JMJD1C: variants seen among roughly 807,000 people sequenced by gnomAD.
JMJD1C encodes jumonji domain-containing protein 1C.
A neutral mutation model predicts 245.3 loss-of-function variants in JMJD1C; 31 were observed. The ratio of observed to expected loss-of-function variants is 0.13; its 90% CI spans 0.09 to 0.17. JMJD1C has a LOEUF of 0.17. Among genes scored for constraint, JMJD1C ranks in the 10% least tolerant of loss-of-function variants. The pLI is 1.00. For missense variants in JMJD1C, 2,691 were observed against 3,000.2 expected (o/e 0.90, Z 2.41); for synonymous variants, 1,057 against 1,017.4 (o/e 1.04, Z -0.74).
chr10:63,286,134 C>T (rs751751665), intron 2 of JMJD1C, among the ~76,000 whole-genome samples: 53 of 152,320 alleles, frequency 3.5e-4, no homozygotes, highest in Non-Finnish European at 6.2e-4. Context: ...TGGCTTCTAG[C>T]AACTGTTCTT....
At chr10:63,202,455 C>T in intron 10 of JMJD1C, 1 of 985,388 alleles carries the variant, frequency 1.0e-6, no homozygotes, top group Non-Finnish European at 1.2e-6. Flanking sequence ...ATGTGTGGAT[C>T]AGAGGTACAG....
chr10:63,236,307 G>C (rs7917142), intron 3 of JMJD1C, among the ~76,000 whole-genome samples: 1 of 152,052 alleles, frequency 6.6e-6, no homozygotes, highest in Non-Finnish European at 1.5e-5. Flanking sequence ...ACTACAATTT[G>C]CTAAGTGTCA....
intron 4 of JMJD1C, among the ~76,000 whole-genome samples, chr10:63,218,959 T>C (rs1469163418): frequency 6.6e-6 from 1 of 152,176 alleles, no homozygotes; most frequent in African/African-American, 2.4e-5. Context: ...AGCATTGTTT[T>C]GTTCAAAAAA....
intron 2 of JMJD1C, among the ~76,000 whole-genome samples, chr10:63,306,253 C>T (rs1325096459): frequency 2.0e-5 from 3 of 152,068 alleles, no homozygotes; most frequent in Non-Finnish European, 4.4e-5. Context: ...CCACACCGGG[C>T]TAATTTTTGT....
chr10:63,479,387 C>G (rs569614653), intron 1 of JMJD1C, among the ~76,000 whole-genome samples: 12 of 151,862 alleles, frequency 7.9e-5, no homozygotes, highest in African/African-American at 2.7e-4. Context: ...TTAAAGTAAC[C>G]CTACAATACC....
chr10:63,265,983 A>G (rs947471730), intron 2 of JMJD1C, among the ~76,000 whole-genome samples: 6 of 152,066 alleles, frequency 3.9e-5, no homozygotes, highest in African/African-American at 1.4e-4. Flanking sequence ...GCTTTTAAGG[A>G]GTTAATTTCT....
In JMJD1C at chr10:63,385,445, C is replaced by CT. The variant is rs1359056975; in HGVS notation, c.169-4964dup. Among the ~76,000 whole-genome samples the CT allele has an allele frequency of 2.2e-3, 164 of 73,300 alleles. 1 individual carries two copies. Among genetic ancestry groups the CT allele is most frequent in the African/African-American group, 7.9e-3 (145 of 18,370 alleles). The allele number at this position is 73,300 out of a possible 152,430, so 48.1% of individuals were successfully genotyped here. On this transcript the variant is annotated intron_variant, in intron 1 of 25. Coordinates refer to ENST00000399262, the MANE Select transcript of JMJD1C (RefSeq NM_032776.3). ...TTTTTTTTTTTTTTTTTTTTTTTTG[C>CT]TTTTTTTTAAGAGATAGGGTCTTGC...
chr10:63,347,147 C>T (rs1304810702), intron 2 of JMJD1C, among the ~76,000 whole-genome samples: 2 of 148,214 alleles, frequency 1.3e-5, no homozygotes, highest in African/African-American at 5.0e-5. Flanking sequence ...CAGCTCACTG[C>T]AACCTCCACC....
intron 1 of JMJD1C, among the ~76,000 whole-genome samples, chr10:63,426,587 C>A (rs9415706): frequency 6.6e-6 from 1 of 151,946 alleles, no homozygotes; most frequent in African/African-American, 2.4e-5. Context: ...AGGAGAATCA[C>A]CTGAACCCAG....
chr10:63,306,070 T>G (rs1938181670), intron 2 of JMJD1C, among the ~76,000 whole-genome samples: 1 of 151,852 alleles, frequency 6.6e-6, no homozygotes, highest in African/African-American at 2.4e-5. Context: ...TAGTCATTAG[T>G]TTATCACGTT....
chr10:63,251,655 T>G (rs1853094539), intron 3 of JMJD1C, among the ~76,000 whole-genome samples: 1 of 152,198 alleles, frequency 6.6e-6, no homozygotes, highest in South Asian at 2.1e-4. Flanking sequence ...GAAAGACAGA[T>G]ACTATACTTT....
At chr10:63,172,232 C>G (rs1203402967) in intron 24 of JMJD1C, among the ~76,000 whole-genome samples, 2 of 152,098 alleles carry the variant, frequency 1.3e-5, no homozygotes, top group African/African-American at 4.8e-5. Flanking sequence ...AATCTTGTTT[C>G]TATAATCTAT....
intron 25 of JMJD1C, 55 bp downstream of exon 25, chr10:63,168,379 CA>C (rs1273676313): frequency 2.0e-6 from 3 of 1,532,080 alleles, no homozygotes; most frequent in Non-Finnish European, 2.6e-6. Flanking sequence ...ATACATGTAT[CA>C]TATTTCTGAA....
intron 2 of JMJD1C, among the ~76,000 whole-genome samples, chr10:63,335,263 G>C (rs963628433): frequency 6.6e-6 from 1 of 152,118 alleles, no homozygotes; most frequent in African/African-American, 2.4e-5. Context: ...CCTGAACAAT[G>C]AAAGCTGTAA....
At chr10:63,306,999 G>A (rs561660733) in intron 2 of JMJD1C, among the ~76,000 whole-genome samples, 3 of 152,102 alleles carry the variant, frequency 2.0e-5, no homozygotes, top group South Asian at 2.1e-4. Context: ...GCTTGTACTC[G>A]AACTGTACTG....
intron 2 of JMJD1C, among the ~76,000 whole-genome samples, chr10:63,379,568 C>A (rs1168338340): frequency 6.6e-6 from 1 of 152,138 alleles, no homozygotes; most frequent in Non-Finnish European, 1.5e-5. Flanking sequence ...AAACATCTAT[C>A]ACCCACAATG....
At chr10:63,479,567 C>T (rs555782548) in intron 1 of JMJD1C, among the ~76,000 whole-genome samples, 1 of 152,092 alleles carries the variant, frequency 6.6e-6, no homozygotes, top group Non-Finnish European at 1.5e-5. Context: ...CTCTTTAAAT[C>T]TCATTTAATC....
chr10:63,436,104 T>C (rs1465587924), intron 1 of JMJD1C, among the ~76,000 whole-genome samples: 2 of 152,326 alleles, frequency 1.3e-5, no homozygotes, highest in African/African-American at 2.4e-5. Context: ...GACTTCAATA[T>C]GCAATATGTA....
chr10:63,395,067 C>T (rs1948385802), intron 1 of JMJD1C, among the ~76,000 whole-genome samples: 2 of 152,038 alleles, frequency 1.3e-5, no homozygotes, highest in Admixed American at 1.3e-4. Context: ...ACATGTACTT[C>T]ACTAAAGAAG....
Sources: gnomAD v4.1 joint callset for allele counts (sites outside exome capture counted in the v4.1 genomes callset) on GRCh38, gnomAD v4.1.1 for gene constraint, MANE v1.5 for transcripts, NCBI Gene and HGNC (gene_info 2026-07-23, HGNC 2026-07-21) for gene names.